Variants in MGAT4A observed in about 807,000 individuals in gnomAD.
MGAT4A encodes N-acetylglucosaminyltransferase IVa.
In MGAT4A, 33 loss-of-function variants were observed where a neutral mutation model predicts 74.1. The observed-to-expected ratio is 0.45, with a 90% confidence interval of 0.34 to 0.60. The LOEUF (loss-of-function observed/expected upper bound fraction) is 0.60, where lower values mean the gene tolerates loss of function less well. Ranked by LOEUF, MGAT4A falls within the 20% of genes least tolerant of loss-of-function variation. The probability of loss-of-function intolerance (pLI) is 0.02; values close to 1 mark genes in which losing one functional copy is unlikely to be tolerated. For synonymous variants in MGAT4A, 198 were observed against 210.4 expected, an observed-to-expected ratio of 0.94 and a Z score of 0.51; for missense variants, 479 against 628.3, an observed-to-expected ratio of 0.76 and a Z score of 2.54.
chr2:98,623,475 G>C lies in MGAT4A; in HGVS notation c.*2091C>G, dbSNP rs1575236491. On this transcript the variant is annotated 3_prime_UTR_variant, in exon 16 of 16. Transcript: ENST00000393487. ...CTTCTGGTACTCAGTTATCTTTGCAGTAATTTAGTATACCAAGCTGGTGCC... is the reference window on the plus strand; with the variant it reads ...CTTCTGGTACTCAGTTATCTTTGCACTAATTTAGTATACCAAGCTGGTGCC... 1.0e-6 allele frequency: 1 copy of C among 985,402 alleles called. No homozygotes were observed. Among genetic ancestry groups the C allele is most frequent in the Non-Finnish European group, 1.2e-6 (1 of 829,926 alleles). The allele number at this position is 985,402 out of a possible 1,614,324, so 61.0% of individuals were successfully genotyped here.
In MGAT4A at chr2:98,623,815, C is replaced by G; in HGVS notation, c.*1751G>C. 4 of 985,382 alleles carry G rather than the reference C, an allele frequency of 4.1e-6. No individual in the cohort carries two copies. Among genetic ancestry groups the G allele is most frequent in the Non-Finnish European group, 4.8e-6 (4 of 829,944 alleles). The allele number at this position is 985,382 out of a possible 1,614,324, so 61.0% of individuals were successfully genotyped here. A position where few individuals can be genotyped will look rare whatever the true frequency, so the allele number is the denominator to read the frequency against. On this transcript the variant is annotated 3_prime_UTR_variant, in exon 16 of 16. Transcript: ENST00000393487. ...ATGATGCTATTTCATGCTGTTGGTT[C>G]AGCACATTGGGTAACTAGATGAAGC...
intron 2 of MGAT4A, chr2:98,725,870 TG>T: frequency 3.3e-6 from 1 of 303,620 alleles, no homozygotes; most frequent in Non-Finnish European, 6.0e-6. Context: ...TCCTTTTAAG[TG>T]TTTTATGCAA....
At chr2:98,710,377 G>T (rs1340667231) in intron 2 of MGAT4A, among the ~76,000 whole-genome samples, 1 of 152,092 alleles carries the variant, frequency 6.6e-6, no homozygotes, top group East Asian at 1.9e-4. Flanking sequence ...ATATACATTT[G>T]AAAACAAAAA....
At chr2:98,663,580 G>T in intron 4 of MGAT4A, 1 of 742,320 alleles carries the variant, frequency 1.3e-6, no homozygotes, top group East Asian at 3.5e-5. Context: ...GGTTGTTCTT[G>T]CCAACAATGC....
chr2:98,696,459 A>G (rs1249875976), intron 2 of MGAT4A, among the ~76,000 whole-genome samples: 1 of 152,156 alleles, frequency 6.6e-6, no homozygotes, highest in East Asian at 1.9e-4. Flanking sequence ...ATACAAATTC[A>G]CTTACACCTC....
At chr2:98,715,933 C>T (rs957089960) in intron 2 of MGAT4A, among the ~76,000 whole-genome samples, 2 of 152,200 alleles carry the variant, frequency 1.3e-5, no homozygotes, top group Admixed American at 6.5e-5. Context: ...ATGGAAAAGC[C>T]TGTCAGACAC....
Position 98,663,032 on chromosome 2 carries a change from A to T in MGAT4A, c.537+14T>A. ...CTATATTTGGTAAAAACATAACAAC[A>T]ATTAAATAATTACCTCTCCTATGAA... On this transcript the variant is annotated intron_variant, in intron 5 of 15. Transcript: ENST00000393487. The T allele has an allele frequency of 6.8e-7, 1 of 1,470,354 alleles. No homozygotes were observed. Among genetic ancestry groups the T allele is most frequent in the Non-Finnish European group, 9.1e-7 (1 of 1,096,374 alleles). The allele number at this position is 1,470,354 out of a possible 1,614,324, so 91.1% of individuals were successfully genotyped here. A position where few individuals can be genotyped will look rare whatever the true frequency, so the allele number is the denominator to read the frequency against.
chr2:98,668,524 C>A (rs1428170420), intron 4 of MGAT4A, among the ~76,000 whole-genome samples: 1 of 152,218 alleles, frequency 6.6e-6, no homozygotes, highest in Non-Finnish European at 1.5e-5. Context: ...AGGGGCGGTG[C>A]TCTTATGGAG....
At chr2:98,730,409 G>A (rs1467876393) in intron 1 of MGAT4A, among the ~76,000 whole-genome samples, 1 of 152,170 alleles carries the variant, frequency 6.6e-6, no homozygotes, top group Non-Finnish European at 1.5e-5. Context: ...GAGAGCTGAG[G>A]CCTGGGGAAA....
At chr2:98,654,968 G>T (rs1173748088) in intron 8 of MGAT4A, among the ~76,000 whole-genome samples, 2 of 152,194 alleles carry the variant, frequency 1.3e-5, no homozygotes, top group East Asian at 1.9e-4. Context: ...GTAAAAATTG[G>T]ACTGTTGTGC....
chr2:98,646,664 T>C (rs1384114928), intron 8 of MGAT4A, among the ~76,000 whole-genome samples: 1 of 152,114 alleles, frequency 6.6e-6, no homozygotes, highest in African/African-American at 2.4e-5. Flanking sequence ...ATAGAAAGGA[T>C]ACAAAAGCCA....
chr2:98,660,313 G>A (rs1176869060), intron 5 of MGAT4A, among the ~76,000 whole-genome samples: 1 of 151,686 alleles, frequency 6.6e-6, no homozygotes, highest in Non-Finnish European at 1.5e-5. Flanking sequence ...GTGATCTACA[G>A]ATTCAATGTA....
At chr2:98,674,371 A>G (rs1012786682) in intron 4 of MGAT4A, among the ~76,000 whole-genome samples, 2 of 152,222 alleles carry the variant, frequency 1.3e-5, no homozygotes, top group Non-Finnish European at 2.9e-5. Context: ...AATCAAATGT[A>G]TGAGTGGTAA....
intron 4 of MGAT4A, among the ~76,000 whole-genome samples, chr2:98,665,401 T>C (rs1053181452): frequency 5.3e-5 from 8 of 151,426 alleles, no homozygotes; most frequent in African/African-American, 1.9e-4. Context: ...ACCACCATGA[T>C]TCTTGAGGTA....
chr2:98,713,185 C>CAA (rs139508612), intron 2 of MGAT4A, among the ~76,000 whole-genome samples: 232 of 54,006 alleles, frequency 4.3e-3, no homozygotes, highest in Middle Eastern at 0.038. Flanking sequence ...GATCATGTCT[C>CAA]AAAAAAAAAA....
At chr2:98,639,214 G>A (rs1427211616) in intron 12 of MGAT4A, among the ~76,000 whole-genome samples, 1 of 151,976 alleles carries the variant, frequency 6.6e-6, no homozygotes, top group Non-Finnish European at 1.5e-5. Flanking sequence ...TTGAACCAAG[G>A]AGGTGGAGGT....
At chr2:98,706,127 T>C (rs532880891) in intron 2 of MGAT4A, among the ~76,000 whole-genome samples, 1 of 152,222 alleles carries the variant, frequency 6.6e-6, no homozygotes, top group African/African-American at 2.4e-5. Context: ...ACCATGTATG[T>C]AGGGACAAAA....
chr2:98,698,726 G>A (rs1414931925), intron 2 of MGAT4A, among the ~76,000 whole-genome samples: 1 of 152,082 alleles, frequency 6.6e-6, no homozygotes, highest in Admixed American at 6.5e-5. Context: ...AGTGCTCCAA[G>A]CCCACTTACT....
intron 2 of MGAT4A, chr2:98,695,500 G>T: frequency 5.8e-6 from 1 of 173,290 alleles, no homozygotes; most frequent in Non-Finnish European, 1.3e-5. Context: ...CTAAATGCAT[G>T]CAGGGTGTTA....
Sources: allele counts gnomAD v4.1 joint callset (sites outside exome capture counted in the v4.1 genomes callset), GRCh38; gene constraint gnomAD v4.1.1; transcripts MANE v1.5; gene names NCBI Gene and HGNC (gene_info 2026-07-23, HGNC 2026-07-21).